Variants in NBEA observed in about 807,000 individuals in gnomAD.
NBEA encodes the protein lysosomal-trafficking regulator 2.
Under a neutral mutation model 343.4 loss-of-function variants are expected in NBEA, and 44 were observed. That is an observed-to-expected ratio of 0.13 (90% CI 0.10 to 0.16). The LOEUF (loss-of-function observed/expected upper bound fraction) is 0.16. NBEA is among the 10% of genes least tolerant of loss of function. The pLI is 1.00. For synonymous variants in NBEA, 1,175 were observed against 1,238.7 expected, an observed-to-expected ratio of 0.95 and a Z score of 1.08; for missense variants, 2,555 against 3,631.3, an observed-to-expected ratio of 0.70 and a Z score of 7.62.
intron 10 of NBEA, among the ~76,000 whole-genome samples, chr13:35,082,165 T>C (rs1051367911): frequency 2.6e-5 from 4 of 151,624 alleles, no homozygotes; most frequent in African/African-American, 9.7e-5. Context: ...GAACATGCGG[T>C]GTTTGGTTTT....
At chr13:35,185,394 A>C (rs907683441) in intron 30 of NBEA, 8 of 152,184 alleles carry the variant, frequency 5.3e-5, no homozygotes, top group African/African-American at 1.7e-4. Context: ...TTTTGTTACA[A>C]CTTGATGAAT....
At chr13:34,944,466 A>G (rs375650583) in intron 1 of NBEA, among the ~76,000 whole-genome samples, 1 of 152,292 alleles carries the variant, frequency 6.6e-6, no homozygotes, top group East Asian at 1.9e-4. Context: ...TGTCTTTGTT[A>G]TATTCATTGC....
intron 11 of NBEA, among the ~76,000 whole-genome samples, chr13:35,099,124 C>T (rs1381589247): frequency 2.7e-5 from 4 of 147,846 alleles, no homozygotes; most frequent in African/African-American, 7.5e-5. Context: ...CTCCTGAGTT[C>T]GATCAAGCGA....
intron 38 of NBEA, among the ~76,000 whole-genome samples, chr13:35,422,756 G>A (rs1427138447): frequency 5.3e-5 from 8 of 152,288 alleles, no homozygotes; most frequent in Non-Finnish European, 1.5e-5. Flanking sequence ...CTAGTTTACA[G>A]TCCCACCAAC....
chr13:35,513,211 G>A (rs150189145), intron 41 of NBEA, among the ~76,000 whole-genome samples: 7,086 of 147,176 alleles, frequency 0.048, 389 homozygotes, highest in East Asian at 0.21. Context: ...ACCTCGGCTC[G>A]CTGCAACCTC....
intron 34 of NBEA, among the ~76,000 whole-genome samples, chr13:35,287,296 C>T (rs939929109): frequency 6.6e-6 from 1 of 151,942 alleles, no homozygotes; most frequent in Non-Finnish European, 1.5e-5. Context: ...GTTGGGGAGG[C>T]ACATATGTAC....
intron 17 of NBEA, among the ~76,000 whole-genome samples, chr13:35,131,841 A>G (rs1478642362): frequency 6.6e-6 from 1 of 152,234 alleles, no homozygotes; most frequent in Non-Finnish European, 1.5e-5. Context: ...TTATCTGACC[A>G]CACAGAATTA....
At chr13:35,393,920 A>G (rs2042620691) in intron 38 of NBEA, among the ~76,000 whole-genome samples, 1 of 152,078 alleles carries the variant, frequency 6.6e-6, no homozygotes, top group African/African-American at 2.4e-5. Flanking sequence ...CCCTGGGGAT[A>G]TGTGTTAAAC....
At chr13:35,206,564 TG>T (rs1456726031) in intron 31 of NBEA, among the ~76,000 whole-genome samples, 2 of 152,154 alleles carry the variant, frequency 1.3e-5, no homozygotes, top group Admixed American at 1.3e-4. Flanking sequence ...CTCCAAATAT[TG>T]GCAAGTTCCT....
chr13:35,085,106 A>G (rs1329625289), intron 10 of NBEA, among the ~76,000 whole-genome samples: 2 of 152,112 alleles, frequency 1.3e-5, no homozygotes, highest in African/African-American at 4.8e-5. Context: ...TTACCAACCA[A>G]AAAAAGTCCA....
chr13:35,600,812 A>G (rs116361790), intron 47 of NBEA, among the ~76,000 whole-genome samples: 62 of 152,258 alleles, frequency 4.1e-4, no homozygotes, highest in African/African-American at 1.3e-3. Flanking sequence ...GACAATCCCA[A>G]TGCTGCTGCC....
intron 48 of NBEA, among the ~76,000 whole-genome samples, chr13:35,617,221 C>A (rs1406470188): frequency 1.3e-5 from 2 of 152,156 alleles, no homozygotes; most frequent in Non-Finnish European, 1.5e-5. Flanking sequence ...AACCAAATTC[C>A]TGTTATTTCA....
chr13:35,590,118 T>G (rs530172362), intron 46 of NBEA, among the ~76,000 whole-genome samples: 138 of 152,224 alleles, frequency 9.1e-4, no homozygotes, highest in African/African-American at 3.1e-3. Context: ...AAAAGTTTTT[T>G]AAGGTTAATA....
At chr13:35,287,091 A>G (rs1012592277) in intron 34 of NBEA, among the ~76,000 whole-genome samples, 1 of 152,046 alleles carries the variant, frequency 6.6e-6, no homozygotes, top group African/African-American at 2.4e-5. Context: ...AATATCTCCC[A>G]AATATACAAG....
chr13:35,592,867 C>T (rs201391867), intron 46 of NBEA: 1 of 152,302 alleles, frequency 6.6e-6, no homozygotes, highest in East Asian at 1.9e-4. Context: ...CACAGGTAAT[C>T]ATGGACATTC....
intron 51 of NBEA, among the ~76,000 whole-genome samples, chr13:35,648,424 A>G: frequency 6.6e-6 from 1 of 151,866 alleles, no homozygotes; most frequent in East Asian, 1.9e-4. Flanking sequence ...AATATCTCTA[A>G]CACTTTATTT....
intron 34 of NBEA, among the ~76,000 whole-genome samples, chr13:35,250,162 A>G (rs1375726233): frequency 6.6e-6 from 1 of 152,160 alleles, no homozygotes; most frequent in Non-Finnish European, 1.5e-5. Flanking sequence ...ATTTAACACT[A>G]CTGAACTGTG....
chr13:35,625,132 A>G (rs533104677), intron 48 of NBEA, among the ~76,000 whole-genome samples: 31 of 152,196 alleles, frequency 2.0e-4, no homozygotes, highest in Non-Finnish European at 4.3e-4. Context: ...ATAAAGCTAA[A>G]TGATACAAAT....
chr13:35,459,541 G>A (rs17816024), intron 40 of NBEA, among the ~76,000 whole-genome samples: 4,548 of 151,840 alleles, frequency 0.03, 107 homozygotes, highest in Non-Finnish European at 0.045. Flanking sequence ...ACTACCTCTG[G>A]GTAACTCAAA....
Sources: allele counts gnomAD v4.1 joint callset (sites outside exome capture counted in the v4.1 genomes callset), GRCh38; gene constraint gnomAD v4.1.1; transcripts MANE v1.5; gene names NCBI Gene and HGNC (gene_info 2026-07-23, HGNC 2026-07-21).